Variants in RYR3 observed in about 807,000 individuals in gnomAD.
The protein encoded by RYR3 is ryanodine receptor 3.
A neutral mutation model predicts 584.3 loss-of-function variants in RYR3; 207 were observed. That is an observed-to-expected ratio of 0.35 (90% CI 0.32 to 0.40). The LOEUF (loss-of-function observed/expected upper bound fraction) is 0.40. RYR3 is among the 10% of genes least tolerant of loss of function. RYR3 has a pLI of 1.00. For synonymous variants in RYR3, 2,416 were observed against 2,248.5 expected, an observed-to-expected ratio of 1.07 and a Z score of -2.11; for missense variants, 5,616 against 6,089.2, an observed-to-expected ratio of 0.92 and a Z score of 2.59.
chr15:33,471,238 G>A (rs1205182386), intron 1 of RYR3, among the ~76,000 whole-genome samples: 1 of 152,192 alleles, frequency 6.6e-6, no homozygotes, highest in African/African-American at 2.4e-5. Flanking sequence ...GATAGAATGT[G>A]GGAAAGAGTA....
intron 1 of RYR3, among the ~76,000 whole-genome samples, chr15:33,409,216 C>T (rs1203987167): frequency 1.3e-5 from 2 of 151,924 alleles, no homozygotes; most frequent in African/African-American, 2.4e-5. Flanking sequence ...TAAGTTTTAA[C>T]GTGCATGTGT....
chr15:33,563,328 C>T (rs1339785542), intron 11 of RYR3, among the ~76,000 whole-genome samples: 4 of 152,168 alleles, frequency 2.6e-5, no homozygotes, highest in African/African-American at 2.4e-5. Context: ...ATCATTGCTG[C>T]CTTCATTTCA....
chr15:33,387,015 G>T (rs1042512043), intron 1 of RYR3, among the ~76,000 whole-genome samples: 1 of 151,714 alleles, frequency 6.6e-6, no homozygotes. Context: ...CCACCACCAC[G>T]CCCGGCTAAT....
intron 1 of RYR3, among the ~76,000 whole-genome samples, chr15:33,321,142 C>T (rs1968907284): frequency 6.6e-6 from 1 of 152,226 alleles, no homozygotes; most frequent in African/African-American, 2.4e-5. Flanking sequence ...GGAGAATCCA[C>T]AGCTACACAA....
At chr15:33,540,278 G>C (rs1380066286) in intron 6 of RYR3, among the ~76,000 whole-genome samples, 2 of 152,160 alleles carry the variant, frequency 1.3e-5, no homozygotes, top group Admixed American at 1.3e-4. Flanking sequence ...TCAGGACATG[G>C]GGTATCACAG....
At chr15:33,585,445 C>T (rs901969189) in intron 15 of RYR3, among the ~76,000 whole-genome samples, 1 of 152,056 alleles carries the variant, frequency 6.6e-6, no homozygotes, top group Non-Finnish European at 1.5e-5. Flanking sequence ...ATAACCTATC[C>T]AGTGTGCCAA....
chr15:33,646,837 A>G lies in RYR3; in HGVS notation c.3941+311A>G, dbSNP rs1195566447. ...CAATTCCTGTGTTTTGTGAGTGCAT[A>G]AGAGGGTGCAATTATTTTTGCTTTT... On this transcript the variant is annotated intron_variant, in intron 29 of 103. Coordinates refer to ENST00000634891, the MANE Select transcript of RYR3 (RefSeq NM_001036.6). Among the ~76,000 whole-genome samples, 4 of 152,324 alleles carry G rather than the reference A, an allele frequency of 2.6e-5. No individual in the cohort carries two copies. The East Asian group carries it at 7.7e-4, about 29-fold the overall frequency.
At chr15:33,348,923 T>G (rs944270855) in intron 1 of RYR3, among the ~76,000 whole-genome samples, 6 of 152,144 alleles carry the variant, frequency 3.9e-5, no homozygotes, top group African/African-American at 1.4e-4. Context: ...GTGTTTTATT[T>G]TTTTCTCCTC....
In RYR3 at chr15:33,663,766, G is replaced by T. The variant is rs371331634; in HGVS notation, c.5619+29G>T. The T allele has an allele frequency of 6.4e-5, 100 of 1,566,174 alleles. No individual in the cohort carries two copies. The African/African-American group carries it at 1.2e-3, about 18-fold the overall frequency. ...AGGGTCCTTCCTGAGCCTCTGTCCA[G>T]TTCCTATGGAAGAACTTGAGACCTA... On this transcript the variant is annotated intron_variant, in intron 36 of 103. Transcript: ENST00000634891.
chr15:33,430,490 T>A (rs1273830476), intron 1 of RYR3, among the ~76,000 whole-genome samples: 2 of 152,170 alleles, frequency 1.3e-5, no homozygotes, highest in East Asian at 3.8e-4. Flanking sequence ...GCAGAAAGAA[T>A]GTTAGCACTG....
At chr15:33,778,655 A>G (rs972270612) in intron 64 of RYR3, among the ~76,000 whole-genome samples, 2 of 152,230 alleles carry the variant, frequency 1.3e-5, no homozygotes, top group Non-Finnish European at 2.9e-5. Flanking sequence ...AGCTTCGCCA[A>G]TATCACCTGC....
At chr15:33,655,305 C>T (rs908695781) in intron 32 of RYR3, among the ~76,000 whole-genome samples, 2 of 152,200 alleles carry the variant, frequency 1.3e-5, no homozygotes, top group African/African-American at 4.8e-5. Context: ...CTTCAAAATC[C>T]ATTAGCTTTT....
chr15:33,734,998 T>C (rs2069316557), intron 48 of RYR3, among the ~76,000 whole-genome samples: 1 of 146,096 alleles, frequency 6.8e-6, no homozygotes, highest in African/African-American at 2.6e-5. Context: ...GCCGAGAAAT[T>C]GGAATTTTAC....
chr15:33,495,726 A>G (rs2051359077), intron 2 of RYR3, among the ~76,000 whole-genome samples: 3 of 152,184 alleles, frequency 2.0e-5, no homozygotes, highest in Admixed American at 1.3e-4. Context: ...TTAAACATTC[A>G]CCGTGTAACT....
At position 33,472,420 on chromosome 15, in the gene RYR3, C is replaced by G. The variant is rs551174209; in HGVS notation, c.52-999C>G. ...GTGACACTTTCCAACAAGACAATCT[C>G]TGACACTGAAGGACATGGAGGTGAG... On this transcript the variant is annotated intron_variant, in intron 1 of 103. Transcript: ENST00000634891. Among the ~76,000 whole-genome samples the G allele has an allele frequency of 1.1e-4, 17 of 152,344 alleles. 1 individual carries two copies. In the South Asian group the frequency reaches 3.5e-3, roughly 32 times the overall value.
At chr15:33,757,279 T>C (rs1318800371) in intron 59 of RYR3, among the ~76,000 whole-genome samples, 196 bp from the exon 60 acceptor site, 2 of 152,152 alleles carry the variant, frequency 1.3e-5, no homozygotes, top group African/African-American at 4.8e-5. Context: ...TCCTTTCACA[T>C]GCCCTTAAGG....
chr15:33,536,219 G>A (rs2055317992), intron 5 of RYR3, among the ~76,000 whole-genome samples: 1 of 152,186 alleles, frequency 6.6e-6, no homozygotes, highest in South Asian at 2.1e-4. Flanking sequence ...CAGTAGTGGA[G>A]TTGAAACTAT....
At chr15:33,654,546 G>A (rs2062709769) in intron 32 of RYR3, among the ~76,000 whole-genome samples, 1 of 152,106 alleles carries the variant, frequency 6.6e-6, no homozygotes, top group African/African-American at 2.4e-5. Context: ...ATGGGTAGAA[G>A]GAGAAGAGTG....
intron 1 of RYR3, among the ~76,000 whole-genome samples, chr15:33,342,540 GT>G (rs1971948719): frequency 6.6e-6 from 1 of 152,118 alleles, no homozygotes; most frequent in Non-Finnish European, 1.5e-5. Context: ...ACCTGCAGTA[GT>G]TTTAAGAATC....
Sources: gnomAD v4.1 joint callset for allele counts (sites outside exome capture counted in the v4.1 genomes callset) on GRCh38, gnomAD v4.1.1 for gene constraint, MANE v1.5 for transcripts, NCBI Gene and HGNC (gene_info 2026-07-23, HGNC 2026-07-21) for gene names.